Variants in KCNMB2 observed in about 807,000 individuals in gnomAD.
The protein encoded by KCNMB2 is potassium calcium-activated channel subfamily M regulatory beta subunit 2, also known as calcium-activated potassium channel subunit beta-2.
KCNMB2 carries 9 observed loss-of-function variants against 24.5 expected under a neutral mutation model. The ratio of observed to expected loss-of-function variants is 0.37; its 90% CI spans 0.22 to 0.64. KCNMB2 has a LOEUF of 0.64. Among genes scored for constraint, KCNMB2 ranks in the 30% least tolerant of loss-of-function variants. KCNMB2 has a pLI of 0.63. For missense variants in KCNMB2, 226 were observed against 284.3 expected, an observed-to-expected ratio of 0.79 and a Z score of 1.47; for synonymous variants, 109 against 104.4, an observed-to-expected ratio of 1.04 and a Z score of -0.27.
intron 1 of KCNMB2, among the ~76,000 whole-genome samples, chr3:178,653,295 C>G (rs1190591904): frequency 6.6e-6 from 1 of 152,008 alleles, no homozygotes; most frequent in Non-Finnish European, 1.5e-5. Flanking sequence ...TTAATTTAAA[C>G]TTGCTAAACA....
intron 1 of KCNMB2, among the ~76,000 whole-genome samples, chr3:178,763,725 T>C (rs1712005979): frequency 6.6e-6 from 1 of 152,148 alleles, no homozygotes; most frequent in African/African-American, 2.4e-5. Flanking sequence ...CAATTTCTTG[T>C]GAGAGAATCA....
At position 178,701,853 on chromosome 3, in the gene KCNMB2, A is replaced by C. The variant is rs543710513; in HGVS notation, c.-67-105490A>C. On this transcript the variant is annotated intron_variant, in intron 1 of 4. Transcript: ENST00000452583. ...AACTAGTTCAACCATTGTGGAAGACAGTGTGGTGATTCCTCAGGGATCTAG... is the reference window on the plus strand; with the variant it reads ...AACTAGTTCAACCATTGTGGAAGACCGTGTGGTGATTCCTCAGGGATCTAG... Among the ~76,000 whole-genome samples, 33 of 152,314 alleles carry C rather than the reference A, an allele frequency of 2.2e-4. No individual in the cohort carries two copies. The South Asian group carries it at 3.9e-3, about 18-fold the overall frequency.
At chr3:178,756,672 T>G (rs1466080380) in intron 1 of KCNMB2, among the ~76,000 whole-genome samples, 1 of 152,092 alleles carries the variant, frequency 6.6e-6, no homozygotes, top group African/African-American at 2.4e-5. Context: ...CAGCCATTTC[T>G]CCCTTCCATA....
At chr3:178,688,250 C>T (rs1329094501) in intron 1 of KCNMB2, among the ~76,000 whole-genome samples, 1 of 152,054 alleles carries the variant, frequency 6.6e-6, no homozygotes, top group Non-Finnish European at 1.5e-5. Context: ...AATTTTGCTA[C>T]TTCATCACTA....
chr3:178,787,891 C>T (rs1713171689), intron 1 of KCNMB2, among the ~76,000 whole-genome samples: 1 of 152,104 alleles, frequency 6.6e-6, no homozygotes, highest in Non-Finnish European at 1.5e-5. Context: ...CACCAATGAA[C>T]AGTTATGTGA....
chr3:178,783,605 G>T (rs1030274078), intron 1 of KCNMB2, among the ~76,000 whole-genome samples: 6 of 146,070 alleles, frequency 4.1e-5, no homozygotes, highest in Non-Finnish European at 9.0e-5. Flanking sequence ...TCTGTTGTTG[G>T]TGTATAAGAA....
chr3:178,588,593 G>C (rs1354641701), intron 1 of KCNMB2, among the ~76,000 whole-genome samples: 1 of 150,690 alleles, frequency 6.6e-6, no homozygotes, highest in African/African-American at 2.4e-5. Context: ...TATGTGTGTG[G>C]GTATATATAT....
chr3:178,739,011 T>C (rs1473145962), intron 1 of KCNMB2, among the ~76,000 whole-genome samples: 1 of 152,122 alleles, frequency 6.6e-6, no homozygotes, highest in Non-Finnish European at 1.5e-5. Flanking sequence ...AAATATATAA[T>C]TTCCAGTGGT....
At chr3:178,764,676 T>C (rs1216668628) in intron 1 of KCNMB2, among the ~76,000 whole-genome samples, 1 of 152,208 alleles carries the variant, frequency 6.6e-6, no homozygotes, top group Admixed American at 6.5e-5. Context: ...AACTCATTAT[T>C]TTGAGTACTA....
At chr3:178,728,889 T>G (rs1172703072) in intron 1 of KCNMB2, among the ~76,000 whole-genome samples, 1 of 152,176 alleles carries the variant, frequency 6.6e-6, no homozygotes, top group Non-Finnish European at 1.5e-5. Flanking sequence ...GCTTATCTCA[T>G]TTTTCTCCAA....
chr3:178,727,306 T>C (rs1722997485), intron 1 of KCNMB2, among the ~76,000 whole-genome samples: 1 of 152,140 alleles, frequency 6.6e-6, no homozygotes, highest in Admixed American at 6.6e-5. Flanking sequence ...TTTCGCCTTT[T>C]AGGACTCAAA....
chr3:178,675,840 C>G (rs1173302524), intron 1 of KCNMB2, among the ~76,000 whole-genome samples: 1 of 152,176 alleles, frequency 6.6e-6, no homozygotes, highest in Non-Finnish European at 1.5e-5. Flanking sequence ...GAGAAACATG[C>G]TTCTTCCCAA....
intron 1 of KCNMB2, among the ~76,000 whole-genome samples, chr3:178,791,291 T>A (rs1713313871): frequency 6.6e-6 from 1 of 152,214 alleles, no homozygotes; most frequent in Non-Finnish European, 1.5e-5. Flanking sequence ...AAATAGTTTT[T>A]AAAAATTAAG....
chr3:178,660,802 C>T (rs1720498358), intron 1 of KCNMB2, among the ~76,000 whole-genome samples: 1 of 151,924 alleles, frequency 6.6e-6, no homozygotes, highest in South Asian at 2.1e-4. Flanking sequence ...GGTCCTATTG[C>T]TTCATATACA....
intron 1 of KCNMB2, among the ~76,000 whole-genome samples, chr3:178,733,322 C>G (rs1182713529): frequency 6.6e-6 from 1 of 152,030 alleles, no homozygotes; most frequent in African/African-American, 2.4e-5. Context: ...GTAGAGTGAG[C>G]TGGGGCAGAT....
intron 1 of KCNMB2, among the ~76,000 whole-genome samples, chr3:178,554,491 G>T (rs528528781): frequency 6.6e-6 from 1 of 152,094 alleles, no homozygotes; most frequent in African/African-American, 2.4e-5. Flanking sequence ...AAAAATATTT[G>T]TTTCTCTTAC....
chr3:178,810,220 T>C (rs1714132079), intron 2 of KCNMB2, among the ~76,000 whole-genome samples: 1 of 152,202 alleles, frequency 6.6e-6, no homozygotes, highest in Non-Finnish European at 1.5e-5. Context: ...TATTTGGAAA[T>C]AAATTAACTA....
At chr3:178,618,860 C>T (rs1356496644) in intron 1 of KCNMB2, among the ~76,000 whole-genome samples, 1 of 152,126 alleles carries the variant, frequency 6.6e-6, no homozygotes. Context: ...TTCTATGTGC[C>T]AAGCCCACTT....
chr3:178,774,987 G>A (rs975964480), intron 1 of KCNMB2, among the ~76,000 whole-genome samples: 6 of 152,150 alleles, frequency 3.9e-5, no homozygotes, highest in African/African-American at 1.4e-4. Context: ...AAGCCTCCCA[G>A]AACCATCTTT....
Sources: gnomAD v4.1 joint callset for allele counts (sites outside exome capture counted in the v4.1 genomes callset) on GRCh38, gnomAD v4.1.1 for gene constraint, MANE v1.5 for transcripts, NCBI Gene and HGNC (gene_info 2026-07-23, HGNC 2026-07-21) for gene names.